The following C1QTNF3 variants were observed in gnomAD, a reference collection of about 807,000 sequenced individuals.
The protein encoded by C1QTNF3 is C1q and TNF related 3, also known as complement C1q tumor necrosis factor-related protein 3.
A neutral mutation model predicts 32.6 loss-of-function variants in C1QTNF3; 26 were observed. The observed-to-expected ratio is 0.80, with a 90% CI of 0.58 to 1.11. C1QTNF3 has a LOEUF of 1.11. Among genes scored for constraint, C1QTNF3 ranks in the 50% least tolerant of loss-of-function variants. C1QTNF3 has a pLI of 0.00. For synonymous variants in C1QTNF3, 155 were observed against 146.0 expected (o/e 1.06, Z -0.44); for missense variants, 362 against 398.2 (o/e 0.91, Z 0.77).
the C1QTNF3 span, among the ~76,000 whole-genome samples, chr5:34,116,792 C>T: frequency 6.6e-6 from 1 of 152,074 alleles, no homozygotes; most frequent in Non-Finnish European, 1.5e-5. Context: ...GATGAGGTTT[C>T]ACCATGTTGG....
chr5:34,045,986 C>T (rs1234133324), upstream of C1QTNF3, among the ~76,000 whole-genome samples: 2 of 152,100 alleles, frequency 1.3e-5, no homozygotes, highest in Admixed American at 1.3e-4. Flanking sequence ...CTGAAGAATC[C>T]CTTAGCAGAC....
chr5:34,126,923 C>T, the C1QTNF3 span, among the ~76,000 whole-genome samples: 1 of 152,062 alleles, frequency 6.6e-6, no homozygotes. Flanking sequence ...CGGACATCCC[C>T]CTGGCTGTTA....
At chr5:34,035,824 T>C in intron 1 of C1QTNF3, 66 bp from the exon 2 acceptor site, 2 of 1,209,432 alleles carry the variant, frequency 1.7e-6, no homozygotes, top group African/African-American at 3.0e-5. Flanking sequence ...TTTTTAAATT[T>C]CCACTGGCCT....
chr5:34,043,942 T>G (rs1249754788), upstream of C1QTNF3: 1 of 152,156 alleles, frequency 6.6e-6, no homozygotes, highest in Non-Finnish European at 1.5e-5. Flanking sequence ...TATTCTTGAT[T>G]AAAATAGAAA....
the C1QTNF3 span, among the ~76,000 whole-genome samples, chr5:34,122,909 G>A: frequency 6.7e-6 from 1 of 149,286 alleles, no homozygotes; most frequent in Non-Finnish European, 1.5e-5. Flanking sequence ...CAGAATTCCA[G>A]GGTCTGGGGG....
the C1QTNF3 span, among the ~76,000 whole-genome samples, chr5:34,173,112 A>G: frequency 1.8e-3 from 271 of 152,290 alleles, 1 homozygote; most frequent in African/African-American, 6.2e-3. Context: ...CAGTTGCACT[A>G]AAGTATATAA....
At chr5:34,147,138 T>G in the C1QTNF3 span, among the ~76,000 whole-genome samples, 1 of 151,358 alleles carries the variant, frequency 6.6e-6, no homozygotes, top group Non-Finnish European at 1.5e-5. Context: ...TACTAAAAAG[T>G]AAAAAAAATA....
At chr5:34,213,696 A>ATATATATATATG in the C1QTNF3 span, among the ~76,000 whole-genome samples, 1 of 127,056 alleles carries the variant, frequency 7.9e-6, no homozygotes, top group African/African-American at 3.1e-5. Context: ...GTGTGTGTGT[A>ATATATATATATG]TATATATATG....
At chr5:34,133,933 A>G in the C1QTNF3 span, among the ~76,000 whole-genome samples, 3 of 152,348 alleles carry the variant, frequency 2.0e-5, no homozygotes, top group Non-Finnish European at 4.4e-5. Flanking sequence ...TTTATAATAC[A>G]TATTTTTCTT....
the C1QTNF3 span, chr5:34,168,385 T>C: frequency 6.6e-6 from 1 of 150,986 alleles, no homozygotes; most frequent in Non-Finnish European, 1.5e-5. Context: ...TGGGATTAGA[T>C]GTGTGAGGGA....
At chr5:34,175,734 T>C in the C1QTNF3 span, 2 of 647,732 alleles carry the variant, frequency 3.1e-6, no homozygotes, top group South Asian at 3.6e-5. Context: ...GTTTCCAATA[T>C]TCTTACAGCC....
the C1QTNF3 span, among the ~76,000 whole-genome samples, chr5:34,087,531 G>A: frequency 2.1e-5 from 3 of 145,532 alleles, no homozygotes; most frequent in East Asian, 4.2e-4. Context: ...AGAAGTATAA[G>A]CAAGCAATGG....
the C1QTNF3 span, among the ~76,000 whole-genome samples, chr5:34,130,130 T>TACACAC: frequency 6.7e-6 from 1 of 148,534 alleles, no homozygotes; most frequent in African/African-American, 2.6e-5. Context: ...ATTTTATATA[T>TACACAC]ATACACACAC....
chr5:34,054,372 C>T, the C1QTNF3 span, among the ~76,000 whole-genome samples: 1 of 152,160 alleles, frequency 6.6e-6, no homozygotes, highest in Non-Finnish European at 1.5e-5. Context: ...TTCAGATGCT[C>T]TATCCAGGGG....
Position 34,039,299 on chromosome 5 carries a change from C to T in C1QTNF3, c.303+3524G>A, listed in dbSNP as rs773614452. On this transcript the variant is annotated intron_variant, in intron 1 of 5. Transcript: ENST00000382065. ...AAAACCCCAAGTCAAAAGGTCAAACCGTGCACTTGTCTTTCAAGTTGCCCA... is the reference window on the plus strand; with the variant it reads ...AAAACCCCAAGTCAAAAGGTCAAACTGTGCACTTGTCTTTCAAGTTGCCCA... 1.4e-4 allele frequency among the ~76,000 whole-genome samples: 21 copies of T among 152,300 alleles called. 1 individual carries two copies. Among genetic ancestry groups the T allele is most frequent in the East Asian group, 7.7e-4 (4 of 5,182 alleles).
At chr5:34,159,039 C>G in the C1QTNF3 span, among the ~76,000 whole-genome samples, 23 of 151,992 alleles carry the variant, frequency 1.5e-4, no homozygotes, top group Non-Finnish European at 3.2e-4. Flanking sequence ...GTCGCATTTT[C>G]ACATTTGTTC....
chr5:34,020,376 G>A lies in C1QTNF3; in HGVS notation c.*207C>T. ...AAAGATGCTGAGTATATTAGTCAAG[G>A]TCATCTGAGAAGACTATTTTGTGGT... On this transcript the variant is annotated 3_prime_UTR_variant, in exon 6 of 6. Coordinates refer to ENST00000382065, the MANE Select transcript of C1QTNF3 (RefSeq NM_181435.6). The A allele has an allele frequency of 1.8e-6, 1 of 562,912 alleles. No homozygotes were observed. 34.9% of individuals were successfully genotyped at this position (562,912 alleles called of 1,614,324 possible). A position where few individuals can be genotyped will look rare whatever the true frequency, so the allele number is the denominator to read the frequency against.
At chr5:34,118,795 C>T in the C1QTNF3 span, among the ~76,000 whole-genome samples, 1 of 151,944 alleles carries the variant, frequency 6.6e-6, no homozygotes, top group Non-Finnish European at 1.5e-5. Context: ...CTGTGTTGAG[C>T]TTCTGGGTTT....
the C1QTNF3 span, among the ~76,000 whole-genome samples, chr5:34,177,617 G>A: frequency 6.6e-6 from 1 of 150,526 alleles, no homozygotes; most frequent in South Asian, 2.1e-4. Context: ...CTCCTGAGTA[G>A]CTGGGATTAC....
Sources: allele counts gnomAD v4.1 joint callset (sites outside exome capture counted in the v4.1 genomes callset), GRCh38; gene constraint gnomAD v4.1.1; transcripts MANE v1.5; gene names NCBI Gene and HGNC (gene_info 2026-07-23, HGNC 2026-07-21).